The following CPNE7 variants were observed in gnomAD, a reference collection of about 807,000 sequenced individuals.
The protein encoded by CPNE7 is copine 7.
A neutral mutation model predicts 66.5 loss-of-function variants in CPNE7; 78 were observed. The observed-to-expected ratio is 1.17, with a 90% CI of 0.98 to 1.42. The LOEUF is 1.42. Ranked by LOEUF, CPNE7 falls within the 40% of genes most tolerant of loss-of-function variation. The pLI is 0.00. For synonymous variants in CPNE7, 468 were observed against 336.7 expected, an observed-to-expected ratio of 1.39 and a Z score of -4.27; for missense variants, 1,012 against 776.6, an observed-to-expected ratio of 1.30 and a Z score of -3.60.
chr16:89,585,336 G>A, intron 5 of CPNE7, 128 bp from the exon 6 acceptor site: 2 of 693,780 alleles, frequency 2.9e-6, no homozygotes, highest in South Asian at 1.7e-5. Flanking sequence ...CCCCGGCGCT[G>A]TCTGGGGTGA....
intron 2 of CPNE7, among the ~76,000 whole-genome samples, chr16:89,578,213 C>T (rs980927284): frequency 6.6e-5 from 10 of 151,684 alleles, no homozygotes; most frequent in East Asian, 3.9e-4. Flanking sequence ...TACAGGCACC[C>T]GCCACCACGC....
chr16:89,595,215 G>T, intron 13 of CPNE7, 152 bp from the exon 14 acceptor site: 1 of 615,408 alleles, frequency 1.6e-6, no homozygotes, highest in Non-Finnish European at 2.8e-6. Flanking sequence ...TGTTGTTCGT[G>T]ATGTTTGTGA....
In CPNE7 at chr16:89,589,918, G is replaced by A. The variant is rs984209314; in HGVS notation, c.1083G>A (p.Leu361=). 1.9e-6 allele frequency: 3 copies of A among 1,613,668 alleles called. No individual in the cohort carries two copies. Among genetic ancestry groups the A allele is most frequent in the African/African-American group, 2.7e-5 (2 of 74,944 alleles). The change falls in exon 11 of 15, where the codon TTG becomes TTA. Residue 361 remains leucine (L), a synonymous_variant. Transcript: ENST00000319518. Reference sequence around the variant, plus strand: ...CCAGTGACAAGAGGTTTTCCGCTTTGGGGTTTGGAGCCCGGATCCCTCCCA... The same window carrying A: ...CCAGTGACAAGAGGTTTTCCGCTTTAGGGTTTGGAGCCCGGATCCCTCCCA... ...DYDSDKRFSA[L]GFGARIPPKY...
In CPNE7 at chr16:89,579,976, A is replaced by C. The variant is rs1293443642; in HGVS notation, c.357+2255A>C. ...CATGGAACATCCCGTCACCCGTCAC[A>C]CGGAACATCCCATCACACGGAACAT... On this transcript the variant is annotated intron_variant, in intron 2 of 14. Transcript: ENST00000319518. 2.5e-4 allele frequency among the ~76,000 whole-genome samples: 11 copies of C among 43,312 alleles called. 2 individuals carry two copies. The highest frequency in any genetic ancestry group is 6.7e-4 in the African/African-American group (11 of 16,494). The allele number at this position is 43,312 out of a possible 152,430, so 28.4% of individuals were successfully genotyped here.
chr16:89,591,235 C>A lies in CPNE7; in HGVS notation c.1277C>A (p.Ala426Asp). Reference sequence around the variant, plus strand: ...TCCAAGGTGGCACGCGTGGCGGCGGCCGAGGAGAGCACCGGGAAAGCCTCT... The same window carrying A: ...TCCAAGGTGGCACGCGTGGCGGCGGACGAGGAGAGCACCGGGAAAGCCTCT... The part of the protein sequence containing the change: ...IISKVARVAA[A>D]EESTGKASQY... Residue 426 changes from alanine to aspartate, a missense_variant, in exon 13 of 15, where the codon GCC becomes GAC. Physicochemically the swap from Ala to Asp is moderately radical, Grantham distance 126. Transcript: ENST00000319518. 6.3e-7 allele frequency: 1 copy of A among 1,585,118 alleles called. No individual in the cohort carries two copies.
intron 1 of CPNE7, among the ~76,000 whole-genome samples, chr16:89,576,812 G>A (rs567018338): frequency 5.3e-5 from 8 of 152,146 alleles, no homozygotes; most frequent in Admixed American, 3.9e-4. Flanking sequence ...GAAGGGACGC[G>A]GTCACCCGGT....
Position 89,577,677 on chromosome 16 carries a change from C to T in CPNE7, c.313C>T (p.Gln105Ter). Reference protein sequence around the residue: ...DTHGPSGFSCQEDDFLGGMEC... With the variant: ...DTHGPSGFSC ...GCATGGGCCCAGCGGCTTCAGCTGT[C>T]AGGAGGACGATTTCCTGGGGGGCAT... The change falls in exon 2 of 15, where the codon CAG becomes TAG. Residue 105 changes from glutamine (Q) to a stop codon, truncating the protein, a stop_gained. Transcript: ENST00000319518. LOFTEE classifies it high-confidence loss of function. 1 of 1,601,146 alleles carries T rather than the reference C, an allele frequency of 6.2e-7. No homozygotes were observed. The highest frequency in any genetic ancestry group is 8.5e-7 in the Non-Finnish European group (1 of 1,174,216).
chr16:89,595,387 C>G lies in CPNE7; in HGVS notation c.1323C>G (p.Ile441Met), dbSNP rs759594645. Reference protein sequence around the residue: ...GKASQYYILLILTDGVVTDMA... With the variant: ...GKASQYYILLMLTDGVVTDMA... ...CCCAGCAATACTACATCCTGCTGAT[C>G]CTGACGGACGGCGTGGTGACCGACA... The change falls in exon 14 of 15, where the codon ATC becomes ATG. Residue 441 changes from isoleucine (I) to methionine (M), a missense_variant. Coordinates refer to ENST00000319518, the MANE Select transcript of CPNE7 (RefSeq NM_153636.3). 7 of 1,584,908 alleles carry G rather than the reference C, an allele frequency of 4.4e-6. No individual in the cohort carries two copies. In the East Asian group the frequency reaches 1.6e-4, roughly 36 times the overall value.
At position 89,577,599 on chromosome 16, in the gene CPNE7, G is replaced by GTGGACTACTAC. The variant is rs771912937; in HGVS notation, c.237_247dup (p.Phe83TrpfsTer48). On this transcript the variant is annotated frameshift_variant, in exon 2 of 15. Coordinates refer to ENST00000319518, the MANE Select transcript of CPNE7 (RefSeq NM_153636.3). LOFTEE classifies it high-confidence loss of function. ...TCCCGTGTTCTCCAAGGTCTTCACG[G>GTGGACTACTAC]TGGACTACTACTTCGAGGAGGTGCA... is the stretch of plus-strand genomic sequence containing the variant. The GTGGACTACTAC allele has an allele frequency of 1.3e-6, 2 of 1,557,776 alleles. No homozygotes were observed. Among genetic ancestry groups the GTGGACTACTAC allele is most frequent in the South Asian group, 2.4e-5 (2 of 84,454 alleles).
intron 2 of CPNE7, among the ~76,000 whole-genome samples, chr16:89,583,179 G>A (rs939327537): frequency 4.6e-5 from 7 of 152,260 alleles, no homozygotes; most frequent in Non-Finnish European, 1.0e-4. Flanking sequence ...TCGAAGAGGA[G>A]TGGGCGGTGG....
rs573409569 is a variant in CPNE7 at position 89,595,563 on chromosome 16, G to A, written c.1499G>A (p.Arg500Gln). The change falls in exon 14 of 15, where the codon CGG becomes CAG. Residue 500 changes from arginine to glutamine, a missense_variant. Physicochemically the swap from Arg to Gln is conservative, Grantham distance 43. Coordinates refer to ENST00000319518, the MANE Select transcript of CPNE7 (RefSeq NM_153636.3). ...TCCCCACGGGGTGAGCCCGCGCTCC[G>A]GGACATCGTACAGTTCGTGCCCTTC... is the stretch of plus-strand genomic sequence containing the variant. ...LRSPRGEPAL[R>Q]DIVQFVPFRE... is the part of the protein sequence containing the mutation. The A allele has an allele frequency of 1.1e-5, 17 of 1,611,772 alleles. No individual in the cohort carries two copies. Among genetic ancestry groups the A allele is most frequent in the South Asian group, 2.2e-5 (2 of 90,998 alleles).
chr16:89,587,001 G>C, intron 8 of CPNE7, 42 bp from the exon 9 acceptor site: 4 of 1,556,872 alleles, frequency 2.6e-6, no homozygotes, highest in Non-Finnish European at 3.5e-6. Flanking sequence ...ACTGGCCTCA[G>C]TGTCCCTGGC....
intron 3 of CPNE7, 113 bp downstream of exon 3, chr16:89,583,884 C>A: frequency 1.4e-6 from 2 of 1,449,094 alleles, no homozygotes; most frequent in Non-Finnish European, 9.5e-7. Flanking sequence ...CTGCAGGAGC[C>A]GGCAGCTACA....
chr16:89,586,467 C>T (rs1052929113), intron 7 of CPNE7, among the ~76,000 whole-genome samples: 5 of 151,794 alleles, frequency 3.3e-5, no homozygotes, highest in Non-Finnish European at 5.9e-5. Flanking sequence ...AGGGCCATGC[C>T]GGGTGGGGGA....
intron 2 of CPNE7, among the ~76,000 whole-genome samples, chr16:89,582,370 G>A (rs1484401460): frequency 2.0e-5 from 3 of 152,222 alleles, no homozygotes; most frequent in Admixed American, 6.5e-5. Flanking sequence ...TCCTGGTAGG[G>A]GAATCTGTTG....
In CPNE7 at chr16:89,588,722, C is replaced by CT. The variant is rs781093788; in HGVS notation, c.976dup (p.Ser326PhefsTer28). 6 of 1,613,622 alleles carry CT rather than the reference C, an allele frequency of 3.7e-6. No individual in the cohort carries two copies. Among genetic ancestry groups the CT allele is most frequent in the Non-Finnish European group, 5.1e-6 (6 of 1,179,984 alleles). ...CCAATGGAGACCCGCGGAACAGCTGCTCCCTGCACTACATCAACCCCTACC... is the reference window on the plus strand; with the variant it reads ...CCAATGGAGACCCGCGGAACAGCTGCTTCCCTGCACTACATCAACCCCTACC... On this transcript the variant is annotated frameshift_variant, in exon 10 of 15. Transcript: ENST00000319518. LOFTEE classifies it high-confidence loss of function.
chr16:89,588,809 G>A lies in CPNE7; in HGVS notation c.1061+1G>A, dbSNP rs779487868. ...GCGAGATCTGCCAGGACTATGACAG[G>A]TGCGCCCACCACCTTCCCCTCACCC... On this transcript the variant is annotated splice_donor_variant, in intron 10 of 14. Transcript: ENST00000319518. LOFTEE classifies it high-confidence loss of function. 3.1e-6 allele frequency: 5 copies of A among 1,612,982 alleles called. No homozygotes were observed. Among genetic ancestry groups the A allele is most frequent in the African/African-American group, 1.3e-5 (1 of 74,808 alleles).
At chr16:89,593,446 G>A (rs976312052) in intron 13 of CPNE7, among the ~76,000 whole-genome samples, 3 of 151,300 alleles carry the variant, frequency 2.0e-5, no homozygotes, top group Non-Finnish European at 1.5e-5. Context: ...TCCGCCTCCC[G>A]GGTTCACGCC....
chr16:89,583,817 G>A (rs2058993513), intron 3 of CPNE7, 46 bp downstream of exon 3: 7 of 1,598,892 alleles, frequency 4.4e-6, no homozygotes, highest in Non-Finnish European at 5.1e-6. Flanking sequence ...CTGCTGCTGT[G>A]GCTCCGAGGG....
Sources: gnomAD v4.1 joint callset for allele counts (sites outside exome capture counted in the v4.1 genomes callset) on GRCh38, gnomAD v4.1.1 for gene constraint, MANE v1.5 for transcripts, NCBI Gene and HGNC (gene_info 2026-07-23, HGNC 2026-07-21) for gene names.